Variants in CAST observed in about 807,000 individuals in gnomAD.
CAST encodes calpastatin, also known as MIR583 host.
A neutral mutation model predicts 119.6 loss-of-function variants in CAST; 76 were observed. The ratio of observed to expected loss-of-function variants is 0.64; its 90% CI spans 0.53 to 0.77. The LOEUF (loss-of-function observed/expected upper bound fraction) is 0.77, where lower values mean the gene tolerates loss of function less well. Ranked by LOEUF, CAST falls within the 30% of genes least tolerant of loss-of-function variation. CAST has a pLI of 0.00. For synonymous variants in CAST, 319 were observed against 331.6 expected (o/e 0.96, Z 0.41); for missense variants, 953 against 946.5 (o/e 1.01, Z -0.09).
chr5:96,615,111 A>T (rs1747428613), intron 1 of CAST, among the ~76,000 whole-genome samples: 1 of 152,348 alleles, frequency 6.6e-6, no homozygotes, highest in Middle Eastern at 3.4e-3. Flanking sequence ...ACAATATTCA[A>T]TACATTACAT....
At chr5:96,549,942 C>T (rs183849341) in intron 1 of CAST, among the ~76,000 whole-genome samples, 128 of 152,338 alleles carry the variant, frequency 8.4e-4, no homozygotes, top group Non-Finnish European at 1.6e-3. Context: ...CTTAACAAGG[C>T]CTACTGCCTC....
chr5:96,359,104 T>C, the CAST span, among the ~76,000 whole-genome samples: 1 of 152,182 alleles, frequency 6.6e-6, no homozygotes, highest in African/African-American at 2.4e-5. Flanking sequence ...CTTCTTTGTC[T>C]TTTTTATCTT....
chr5:96,375,468 A>T, the CAST span, among the ~76,000 whole-genome samples: 1 of 150,868 alleles, frequency 6.6e-6, no homozygotes, highest in Admixed American at 6.6e-5. Flanking sequence ...GTTTACTCTT[A>T]TGAGTTTACT....
the CAST span, among the ~76,000 whole-genome samples, chr5:95,966,122 G>A: frequency 1.3e-5 from 2 of 152,070 alleles, no homozygotes; most frequent in Non-Finnish European, 2.9e-5. Context: ...TTGGGATGGA[G>A]CGCAACCTAG....
chr5:96,430,185 G>T, the CAST span, among the ~76,000 whole-genome samples: 1 of 152,130 alleles, frequency 6.6e-6, no homozygotes, highest in African/African-American at 2.4e-5. Context: ...TAGAGGGTTT[G>T]TACTTCTCCG....
the CAST span, among the ~76,000 whole-genome samples, chr5:96,039,342 T>C: frequency 6.6e-6 from 1 of 152,226 alleles, no homozygotes; most frequent in Non-Finnish European, 1.5e-5. Context: ...ATGCTGATGA[T>C]AGTTTCTTTT....
the CAST span, chr5:96,429,401 A>G: frequency 1.3e-6 from 1 of 751,466 alleles, no homozygotes. Context: ...TAACTTAGAG[A>G]TAGGCAACTT....
At chr5:96,745,778 T>TA (rs1383153581) in intron 16 of CAST, among the ~76,000 whole-genome samples, 2 of 152,192 alleles carry the variant, frequency 1.3e-5, no homozygotes, top group Non-Finnish European at 2.9e-5. Flanking sequence ...TTAAAAGAGG[T>TA]AAAACAAGTT....
At chr5:96,466,301 C>A in the CAST span, among the ~76,000 whole-genome samples, 1 of 152,006 alleles carries the variant, frequency 6.6e-6, no homozygotes, top group East Asian at 1.9e-4. Flanking sequence ...TATTTGTTCA[C>A]GTTTTTATTC....
intron 3 of CAST, chr5:96,702,729 CGGGG>C: frequency 1.0e-6 from 1 of 980,600 alleles, no homozygotes; most frequent in Non-Finnish European, 1.2e-6. Context: ...CCCGGGCTCC[CGGGG>C]CGGGGCCGCC....
At chr5:96,399,322 T>A in the CAST span, among the ~76,000 whole-genome samples, 1 of 152,190 alleles carries the variant, frequency 6.6e-6, no homozygotes, top group Non-Finnish European at 1.5e-5. Flanking sequence ...AATGATTTTA[T>A]CTAGAAGGCC....
the CAST span, among the ~76,000 whole-genome samples, chr5:96,477,790 A>T: frequency 4.6e-5 from 7 of 152,210 alleles, no homozygotes; most frequent in Non-Finnish European, 7.3e-5. Flanking sequence ...GGGTTCTAAA[A>T]AGAGGATCAA....
In CAST at chr5:96,558,953, C is replaced by A. The variant is rs1746299812; in HGVS notation, c.60+29073C>A. Among the ~76,000 whole-genome samples the A allele has an allele frequency of 3.9e-5, 6 of 151,922 alleles. No homozygotes were observed. In the South Asian group the frequency reaches 1.2e-3, roughly 32 times the overall value. On this transcript the variant is annotated intron_variant, in intron 1 of 11. Transcript: ENST00000505143. ...CCCTGATGAACATTGATGCAAAAATCCTCAATAAACTACTGGCAAACCGAA... is the reference window on the plus strand; with the variant it reads ...CCCTGATGAACATTGATGCAAAAATACTCAATAAACTACTGGCAAACCGAA...
chr5:96,537,609 C>A (rs1385592458), intron 1 of CAST, among the ~76,000 whole-genome samples: 7 of 152,168 alleles, frequency 4.6e-5, no homozygotes, highest in African/African-American at 1.7e-4. Flanking sequence ...TCATCATTTC[C>A]TCTCCAAAGA....
At chr5:95,972,988 C>A in the CAST span, 5 of 152,218 alleles carry the variant, frequency 3.3e-5, no homozygotes, top group Admixed American at 3.3e-4. Flanking sequence ...GCTTGTTGAA[C>A]TGAGCTTGTT....
intron 1 of CAST, chr5:96,546,188 C>G (rs966339268): frequency 6.6e-6 from 1 of 152,118 alleles, no homozygotes. Flanking sequence ...AATGTGCAGA[C>G]CCATCCATAA....
the CAST span, among the ~76,000 whole-genome samples, chr5:96,128,305 G>A: frequency 2.6e-5 from 4 of 152,114 alleles, no homozygotes; most frequent in Admixed American, 1.3e-4. Context: ...TTTTGTGAAC[G>A]GGAGCGTTTA....
At chr5:96,533,032 A>G (rs1302785161) in intron 1 of CAST, among the ~76,000 whole-genome samples, 2 of 147,920 alleles carry the variant, frequency 1.4e-5, no homozygotes, top group East Asian at 3.9e-4. Context: ...CTCAAAAAAA[A>G]AAAAATAAAA....
chr5:96,445,650 A>G, the CAST span, among the ~76,000 whole-genome samples: 2 of 152,080 alleles, frequency 1.3e-5, no homozygotes, highest in Non-Finnish European at 2.9e-5. Flanking sequence ...TCACTCTGGA[A>G]TTCTTAAGTT....
Sources: allele counts gnomAD v4.1 joint callset (sites outside exome capture counted in the v4.1 genomes callset), GRCh38; gene constraint gnomAD v4.1.1; transcripts MANE v1.5; gene names NCBI Gene and HGNC (gene_info 2026-07-23, HGNC 2026-07-21).